ECM2: variants seen among roughly 807,000 people sequenced by gnomAD.
The protein encoded by ECM2 is extracellular matrix protein 2, female organ and adipocyte specific.
In ECM2, 57 loss-of-function variants were observed where a neutral mutation model predicts 67.5. The observed-to-expected ratio is 0.84, with a 90% CI of 0.68 to 1.05. The LOEUF is 1.05. Among genes scored for constraint, ECM2 ranks in the 50% least tolerant of loss-of-function variants. ECM2 has a pLI of 0.00. For synonymous variants in ECM2, 258 were observed against 294.5 expected (o/e 0.88, Z 1.27); for missense variants, 741 against 822.8 (o/e 0.90, Z 1.22).
chr9:92,544,882 A>C, the ECM2 span, among the ~76,000 whole-genome samples: 2 of 151,830 alleles, frequency 1.3e-5, no homozygotes, highest in East Asian at 1.9e-4. Context: ...CACCCAGCTA[A>C]ATTTTTTTTT....
chr9:92,545,889 C>A, the ECM2 span, among the ~76,000 whole-genome samples: 2 of 151,882 alleles, frequency 1.3e-5, no homozygotes, highest in Non-Finnish European at 2.9e-5. Flanking sequence ...TCTAGCTGAT[C>A]TGGTGGGGAC....
intron 6 of ECM2, among the ~76,000 whole-genome samples, chr9:92,507,783 C>T (rs547941614): frequency 6.6e-6 from 1 of 151,980 alleles, no homozygotes; most frequent in South Asian, 2.1e-4. Flanking sequence ...CCTTTCACAC[C>T]TCTCTCTCAA....
downstream of ECM2, chr9:92,494,087 C>T: frequency 6.3e-7 from 1 of 1,597,364 alleles, no homozygotes; most frequent in Non-Finnish European, 8.5e-7. Flanking sequence ...TTGCCTCTAC[C>T]AGAGAGGAAA....
At chr9:92,503,726 A>T (rs149420183) in intron 7 of ECM2, among the ~76,000 whole-genome samples, 2,653 of 152,236 alleles carry the variant, frequency 0.017, 37 homozygotes, top group Non-Finnish European at 0.024. Flanking sequence ...CCTCTTTGTT[A>T]ATTTTGGTAT....
At chr9:92,554,048 C>T in the ECM2 span, among the ~76,000 whole-genome samples, 2 of 152,236 alleles carry the variant, frequency 1.3e-5, no homozygotes, top group African/African-American at 2.4e-5. Context: ...GTGGGTTTGT[C>T]GTAGATGGCT....
At position 92,522,582 on chromosome 9, in the gene ECM2, CACATTATA is replaced by C. The variant is rs1238696816; in HGVS notation, c.277_284del (p.Tyr93ValfsTer24). 1 of 1,609,272 alleles carries C rather than the reference CACATTATA, an allele frequency of 6.2e-7. No homozygotes were observed. Among genetic ancestry groups the C allele is most frequent in the Non-Finnish European group, 8.5e-7 (1 of 1,177,110 alleles). On this transcript the variant is annotated frameshift_variant, in exon 2 of 10. Coordinates refer to ENST00000344604, the MANE Select transcript of ECM2 (RefSeq NM_001393.4). LOFTEE classifies it high-confidence loss of function. Reference sequence around the variant, plus strand: ...CTCATAGTGTTCTCTTACCTGGTAACACATTATAACTTGATTCTACTCCAGGAAAACTT... The same window carrying C: ...CTCATAGTGTTCTCTTACCTGGTAACACTTGATTCTACTCCAGGAAAACTT...
chr9:92,549,887 A>G, the ECM2 span, among the ~76,000 whole-genome samples: 4 of 152,160 alleles, frequency 2.6e-5, no homozygotes, highest in African/African-American at 9.7e-5. Context: ...ATAATGGCCA[A>G]TGTGGACAAA....
At chr9:92,502,140 C>T (rs1168619857) in intron 8 of ECM2, among the ~76,000 whole-genome samples, 1 of 152,192 alleles carries the variant, frequency 6.6e-6, no homozygotes, top group Non-Finnish European at 1.5e-5. Context: ...AACCTCCTGA[C>T]AACCTGTGAG....
Position 92,517,873 on chromosome 9 carries a change from T to C in ECM2, c.295A>G (p.Lys99Glu). 6.2e-7 allele frequency: 1 copy of C among 1,613,750 alleles called. No individual in the cohort carries two copies. The highest frequency in any genetic ancestry group is 1.1e-5 in the South Asian group (1 of 90,926). The change falls in exon 3 of 10, where the codon AAG becomes GAG. Residue 99 changes from lysine to glutamate, a missense_variant and splice_region_variant. Coordinates refer to ENST00000344604, the MANE Select transcript of ECM2 (RefSeq NM_001393.4). ...CCCTTTACCAAACAGTGTCCCTTCTTTCCTAGAAGAAAACAAAAGCACAAA... is the reference window on the plus strand; with the variant it reads ...CCCTTTACCAAACAGTGTCCCTTCTCTCCTAGAAGAAAACAAAAGCACAAA... ...VESSYNVLPG[K>E]KGHCLVKGIT...
At chr9:92,542,261 G>C in the ECM2 span, among the ~76,000 whole-genome samples, 6 of 152,040 alleles carry the variant, frequency 3.9e-5, no homozygotes, top group African/African-American at 1.4e-4. Flanking sequence ...TTGTTTTCTT[G>C]CTATCAAGTT....
At chr9:92,500,670 T>C in intron 9 of ECM2, 57 bp downstream of exon 9, 2 of 1,500,174 alleles carry the variant, frequency 1.3e-6, no homozygotes, top group South Asian at 1.3e-5. Flanking sequence ...ATGGTTGTTT[T>C]ATCATATATT....
chr9:92,549,646 C>CAAAAAAAAA, the ECM2 span, among the ~76,000 whole-genome samples: 3 of 90,608 alleles, frequency 3.3e-5, no homozygotes, highest in African/African-American at 6.7e-5. Flanking sequence ...GACTCCGTCT[C>CAAAAAAAAA]AAAAAAAAAA....
At chr9:92,533,328 A>AATATATATATATATATATAT (rs202147064) in intron 1 of ECM2, among the ~76,000 whole-genome samples, 2 of 38,336 alleles carry the variant, frequency 5.2e-5, no homozygotes, top group African/African-American at 1.5e-4. Flanking sequence ...AAAAAAAAAA[A>AATATATATATATATATATAT]ATATATATAT....
At chr9:92,549,646 C>CAAAAAAA in the ECM2 span, among the ~76,000 whole-genome samples, 10 of 90,558 alleles carry the variant, frequency 1.1e-4, no homozygotes, top group Middle Eastern at 6.4e-3. Flanking sequence ...GACTCCGTCT[C>CAAAAAAA]AAAAAAAAAA....
the ECM2 span, among the ~76,000 whole-genome samples, chr9:92,552,182 CT>C: frequency 2.6e-5 from 3 of 115,142 alleles, no homozygotes; most frequent in Non-Finnish European, 1.7e-5. Flanking sequence ...TATGATAGAT[CT>C]ATCATATACA....
chr9:92,517,891 A>C lies in ECM2; in HGVS notation c.293-16T>G, dbSNP rs143684239. On this transcript the variant is annotated splice_polypyrimidine_tract_variant and intron_variant, in intron 2 of 9. Coordinates refer to ENST00000344604, the MANE Select transcript of ECM2 (RefSeq NM_001393.4). ...CCCTTCTTTCCTAGAAGAAAACAAA[A>C]GCACAAATTTAAATTTCTTATGTGA... 6.2e-7 allele frequency: 1 copy of C among 1,613,170 alleles called. No homozygotes were observed. Among genetic ancestry groups the C allele is most frequent in the Admixed American group, 1.7e-5 (1 of 59,916 alleles).
chr9:92,514,671 T>C lies in ECM2; in HGVS notation c.1014A>G (p.Pro338=). 1 of 1,604,146 alleles carries C rather than the reference T, an allele frequency of 6.2e-7. No individual in the cohort carries two copies. Among genetic ancestry groups the C allele is most frequent in the Middle Eastern group, 1.7e-4 (1 of 6,016 alleles). The change falls in exon 4 of 10, where the codon CCA becomes CCG. Residue 338 remains proline (P), a synonymous_variant. Coordinates refer to ENST00000344604, the MANE Select transcript of ECM2 (RefSeq NM_001393.4). ...SCINAMLTQI[P]PLTAPQITSL... ...TTGTTATCTGTGGTGCTGTCAGCGG[T>C]GGTATCTGGGTAAGCATGGCGTTGA...
chr9:92,515,085 C>T lies in ECM2; in HGVS notation c.600G>A (p.Val200=), dbSNP rs1297777589. ...LLHKQLPPPQ[V]GMDRIVRKEA... is the part of the protein sequence containing the mutation. Reference sequence around the variant, plus strand: ...CTTTTCTTACTATTCGGTCCATTCCCACCTGAGGAGGTGGCAGTTGCTTAT... The same window carrying T: ...CTTTTCTTACTATTCGGTCCATTCCTACCTGAGGAGGTGGCAGTTGCTTAT... The change falls in exon 4 of 10, where the codon GTG becomes GTA. Residue 200 remains valine, a synonymous_variant. Coordinates refer to ENST00000344604, the MANE Select transcript of ECM2 (RefSeq NM_001393.4). 4 of 1,614,108 alleles carry T rather than the reference C, an allele frequency of 2.5e-6. No homozygotes were observed. Among genetic ancestry groups the T allele is most frequent in the Admixed American group, 1.7e-5 (1 of 60,016 alleles).
At position 92,514,857 on chromosome 9, in the gene ECM2, C is replaced by T; in HGVS notation, c.828G>A (p.Glu276=). The change falls in exon 4 of 10, where the codon GAG becomes GAA. Residue 276 remains glutamate (E), a synonymous_variant. Transcript: ENST00000344604. The stretch of plus-strand genomic sequence containing the variant: ...CCTCCTCACCCTCCTCACCCTCCTC[C>T]TCCTCATCCTCCTCCTCCTCCCTTC... ...RQGREEEEDE[E]EEGEEGEEDE... 1.9e-6 allele frequency: 3 copies of T among 1,612,394 alleles called. No homozygotes were observed. Among genetic ancestry groups the T allele is most frequent in the Non-Finnish European group, 2.5e-6 (3 of 1,179,054 alleles).
Sources: gnomAD v4.1 joint callset for allele counts (sites outside exome capture counted in the v4.1 genomes callset) on GRCh38, gnomAD v4.1.1 for gene constraint, MANE v1.5 for transcripts, NCBI Gene and HGNC (gene_info 2026-07-23, HGNC 2026-07-21) for gene names.